VIT: variants seen among roughly 807,000 people sequenced by gnomAD.
VIT encodes the protein vitrin.
VIT carries 99 observed loss-of-function variants against 78.0 expected under a neutral mutation model. That is an observed-to-expected ratio of 1.27 (90% CI 1.08 to 1.50). The LOEUF (loss-of-function observed/expected upper bound fraction) is 1.50. Among genes scored for constraint, VIT ranks in the 40% most tolerant of loss-of-function variants. The pLI is 0.00. For synonymous variants in VIT, 374 were observed against 334.3 expected (o/e 1.12, Z -1.29); for missense variants, 1,126 against 875.3 (o/e 1.29, Z -3.61).
intron 14 of VIT, among the ~76,000 whole-genome samples, chr2:36,807,362 C>T (rs1226880907): frequency 6.6e-6 from 1 of 152,120 alleles, no homozygotes; most frequent in Non-Finnish European, 1.5e-5. Flanking sequence ...TCCAGCTAGT[C>T]TCCCATCCAC....
At chr2:36,801,775 G>A (rs11680372) in intron 13 of VIT, among the ~76,000 whole-genome samples, 1,770 of 141,144 alleles carry the variant, frequency 0.013, 44 homozygotes, top group South Asian at 0.048. Flanking sequence ...GACTCCATCT[G>A]AAAAAAAAAA....
rs1572579480 is a variant in VIT, at chr2:36,807,512, T to C, written c.1390-960T>C. Among the ~76,000 whole-genome samples, 3 of 152,332 alleles carry C rather than the reference T, an allele frequency of 2.0e-5. No individual in the cohort carries two copies. The East Asian group carries it at 5.8e-4, about 29-fold the overall frequency. ...TCCACGGAAAGTTTTGTGAACTCCA[T>C]TTAGGTTTTTACAAATCAATTTTTG... On this transcript the variant is annotated intron_variant, in intron 14 of 15. Transcript: ENST00000379242.
At chr2:36,737,537 A>T (rs528132441) in intron 3 of VIT, among the ~76,000 whole-genome samples, 17 of 152,306 alleles carry the variant, frequency 1.1e-4, no homozygotes, top group African/African-American at 3.6e-4. Flanking sequence ...TTGGGGTGAA[A>T]TGTACAACAT....
Position 36,705,507 on chromosome 2 carries a change from G to T in VIT, c.-19+8534G>T, listed in dbSNP as rs776267245. Among the ~76,000 whole-genome samples, 124 of 152,208 alleles carry T rather than the reference G, an allele frequency of 8.1e-4. 2 individuals are homozygous for T. Among genetic ancestry groups the T allele is most frequent in the Non-Finnish European group, 1.3e-3 (91 of 68,008 alleles). On this transcript the variant is annotated intron_variant, in intron 1 of 15. Coordinates refer to ENST00000379242, the MANE Select transcript of VIT (RefSeq NM_053276.4). ...CGTCTGAAACACAAGACCAAAAAAG[G>T]CTTTCCCTTTTTGGTTTTCTGACAT...
intron 7 of VIT, among the ~76,000 whole-genome samples, 173 bp from the exon 8 acceptor site, chr2:36,773,618 C>A (rs1318084513): frequency 6.6e-6 from 1 of 152,162 alleles, no homozygotes; most frequent in Non-Finnish European, 1.5e-5. Flanking sequence ...GTAATCCCAG[C>A]TACTCGGGAG....
At chr2:36,764,709 T>G (rs572730421) in intron 6 of VIT, among the ~76,000 whole-genome samples, 1 of 152,290 alleles carries the variant, frequency 6.6e-6, no homozygotes, top group South Asian at 2.1e-4. Flanking sequence ...TTTGCTGACC[T>G]GCTGTCTTAA....
At chr2:36,742,989 G>C in intron 3 of VIT, 111 bp from the exon 4 acceptor site, 3 of 1,397,068 alleles carry the variant, frequency 2.1e-6, no homozygotes, top group Non-Finnish European at 2.9e-6. Context: ...TGTAGAGTCG[G>C]CCCAGGCTCT....
intron 1 of VIT, among the ~76,000 whole-genome samples, chr2:36,703,253 A>G (rs1186163052): frequency 6.6e-6 from 1 of 152,216 alleles, no homozygotes; most frequent in Admixed American, 6.5e-5. Flanking sequence ...CAGAGATCAG[A>G]GAGCAAAAAC....
rs766607901 is a variant in VIT at position 36,808,992 on chromosome 2, T to C, written c.1903+7T>C. 5 of 1,566,742 alleles carry C rather than the reference T, an allele frequency of 3.2e-6. No homozygotes were observed. The African/African-American group carries it at 5.4e-5, about 17-fold the overall frequency. On this transcript the variant is annotated splice_region_variant and intron_variant, in intron 15 of 15. Transcript: ENST00000379242. ...ATGGCTGCCCATCTGAAGGGTAAGCTGGGCTTGCCAAGCAGCCTGGTGCTG... is the reference window on the plus strand; with the variant it reads ...ATGGCTGCCCATCTGAAGGGTAAGCCGGGCTTGCCAAGCAGCCTGGTGCTG...
At chr2:36,699,516 T>TTTTG (rs10661448) in intron 1 of VIT, among the ~76,000 whole-genome samples, 1 of 148,854 alleles carries the variant, frequency 6.7e-6, no homozygotes, top group African/African-American at 2.5e-5. Context: ...TTAGAGGGGG[T>TTTTG]TATATATATA....
chr2:36,781,028 G>A (rs1664713151), intron 9 of VIT, among the ~76,000 whole-genome samples: 1 of 15,896 alleles, frequency 6.3e-5, no homozygotes, highest in African/African-American at 7.5e-5. Context: ...ATTAGCACCA[G>A]TTTGTGGTTG....
intron 1 of VIT, among the ~76,000 whole-genome samples, chr2:36,699,613 GATAGAT>G (rs1446376660): frequency 2.3e-5 from 3 of 133,146 alleles, no homozygotes; most frequent in African/African-American, 8.5e-5. Flanking sequence ...TATAGATATA[GATAGAT>G]ATATAGGTAG....
intron 9 of VIT, among the ~76,000 whole-genome samples, chr2:36,781,287 G>A (rs933446740): frequency 1.3e-5 from 2 of 152,206 alleles, no homozygotes; most frequent in African/African-American, 4.8e-5. Context: ...AAAGGATTTA[G>A]GGCAAAAGAT....
At position 36,740,252 on chromosome 2, in the gene VIT, C is replaced by T. The variant is rs146706276; in HGVS notation, c.119-2848C>T. On this transcript the variant is annotated intron_variant, in intron 3 of 15. Coordinates refer to ENST00000379242, the MANE Select transcript of VIT (RefSeq NM_053276.4). ...AGTTCAAAGACCTTCAGAGGAAAGGCCAACATCCGTTTCATCTGGGCCTTA... is the reference window on the plus strand; with the variant it reads ...AGTTCAAAGACCTTCAGAGGAAAGGTCAACATCCGTTTCATCTGGGCCTTA... Among the ~76,000 whole-genome samples, 12 of 152,304 alleles carry T rather than the reference C, an allele frequency of 7.9e-5. No individual in the cohort carries two copies. The East Asian group carries it at 2.3e-3, about 29-fold the overall frequency.
chr2:36,724,755 A>C (rs752012928), intron 2 of VIT, among the ~76,000 whole-genome samples: 86 of 152,212 alleles, frequency 5.7e-4, no homozygotes, highest in Middle Eastern at 3.2e-3. Context: ...CCAAAAGCAA[A>C]TGATGGGGTG....
At chr2:36,803,257 AG>A (rs1666461105) in intron 13 of VIT, among the ~76,000 whole-genome samples, 3 of 152,238 alleles carry the variant, frequency 2.0e-5, no homozygotes, top group Non-Finnish European at 2.9e-5. Flanking sequence ...TATAAACAAA[AG>A]TACAGCCTCT....
intron 2 of VIT, among the ~76,000 whole-genome samples, chr2:36,725,609 G>A (rs142790761): frequency 2.0e-5 from 2 of 100,494 alleles, no homozygotes; most frequent in Non-Finnish European, 3.7e-5. Context: ...GGGTGGGGGG[G>A]GGGTGGGTAA....
chr2:36,730,876 C>T (rs754793143), intron 3 of VIT, among the ~76,000 whole-genome samples: 7 of 152,106 alleles, frequency 4.6e-5, no homozygotes, highest in Non-Finnish European at 8.8e-5. Flanking sequence ...ATGGGGAGTA[C>T]GTGCTGATTG....
chr2:36,701,030 G>C (rs1470023251), intron 1 of VIT, among the ~76,000 whole-genome samples: 1 of 151,836 alleles, frequency 6.6e-6, no homozygotes, highest in South Asian at 2.1e-4. Flanking sequence ...ACATGGTCCT[G>C]GTTTTTCTGT....
Sources: gnomAD v4.1 joint callset for allele counts (sites outside exome capture counted in the v4.1 genomes callset) on GRCh38, gnomAD v4.1.1 for gene constraint, MANE v1.5 for transcripts, NCBI Gene and HGNC (gene_info 2026-07-23, HGNC 2026-07-21) for gene names.